Variants in SELENOI observed in about 807,000 individuals in gnomAD.
The protein encoded by SELENOI is ethanolaminephosphotransferase 1.
In SELENOI, 24 loss-of-function variants were observed where a neutral mutation model predicts 50.7. The ratio of observed to expected loss-of-function variants is 0.47; its 90% CI spans 0.34 to 0.67. The LOEUF is 0.67. Among genes scored for constraint, SELENOI ranks in the 30% least tolerant of loss-of-function variants. The pLI, the probability that SELENOI is intolerant of heterozygous loss-of-function variation, is 0.01. For missense variants in SELENOI, 352 were observed against 461.4 expected (o/e 0.76, Z 2.17); for synonymous variants, 155 against 170.2 (o/e 0.91, Z 0.70).
chr2:26,350,685 A>G (rs1290242877), intron 1 of SELENOI, among the ~76,000 whole-genome samples: 2 of 152,182 alleles, frequency 1.3e-5, no homozygotes, highest in Non-Finnish European at 2.9e-5. Flanking sequence ...AAAAGTTAAT[A>G]AGTCCAGTTA....
chr2:26,382,208 G>A (rs1334151904), intron 6 of SELENOI, among the ~76,000 whole-genome samples: 1 of 152,218 alleles, frequency 6.6e-6, no homozygotes, highest in African/African-American at 2.4e-5. Flanking sequence ...TTGTAAGCTT[G>A]TAGTTGTGCT....
At chr2:26,363,200 T>G (rs1677218774) in intron 1 of SELENOI, among the ~76,000 whole-genome samples, 1 of 152,210 alleles carries the variant, frequency 6.6e-6, no homozygotes, top group East Asian at 1.9e-4. Flanking sequence ...AATACTTACG[T>G]AGTACTTACT....
In SELENOI at chr2:26,380,965, G is replaced by A. The variant is rs192528472; in HGVS notation, c.683-2334G>A. Among the ~76,000 whole-genome samples the A allele has an allele frequency of 1.2e-4, 18 of 151,842 alleles. No homozygotes were observed. In the East Asian group the frequency reaches 2.5e-3, roughly 21 times the overall value. ...AACAGATTTTTTTTTCTATAGGGTT[G>A]TTGGCCATTTCCTTTATTTTTAGAA... On this transcript the variant is annotated intron_variant, in intron 6 of 9. Transcript: ENST00000260585.
At chr2:26,354,239 A>G (rs1036180485) in intron 1 of SELENOI, among the ~76,000 whole-genome samples, 2 of 151,948 alleles carry the variant, frequency 1.3e-5, no homozygotes, top group African/African-American at 2.4e-5. Flanking sequence ...TAATTTGCTC[A>G]GGGTCCCACA....
At position 26,390,470 on chromosome 2, in the gene SELENOI, A is replaced by G. The variant is rs750551732; in HGVS notation, c.*1367A>G. ...ACTGTGTTGATATGTAATTAAATTCATAACTATTTATGAATGTGACCATTG... is the reference window on the plus strand; with the variant it reads ...ACTGTGTTGATATGTAATTAAATTCGTAACTATTTATGAATGTGACCATTG... On this transcript the variant is annotated 3_prime_UTR_variant, in exon 10 of 10. Coordinates refer to ENST00000260585, the MANE Select transcript of SELENOI (RefSeq NM_033505.4). 3 of 152,106 alleles carry G rather than the reference A, an allele frequency of 2.0e-5. No homozygotes were observed. Among genetic ancestry groups the G allele is most frequent in the Admixed American group, 1.3e-4 (2 of 15,246 alleles). 9.4% of individuals were successfully genotyped at this position (152,106 alleles called of 1,614,324 possible). A position where few individuals can be genotyped will look rare whatever the true frequency, so the allele number is the denominator to read the frequency against.
chr2:26,373,716 T>G, intron 5 of SELENOI, 87 bp downstream of exon 5: 1 of 1,377,404 alleles, frequency 7.3e-7, no homozygotes, highest in South Asian at 1.4e-5. Flanking sequence ...GCTCTTAGGC[T>G]TTTTTGATTA....
At chr2:26,367,439 A>G (rs1677310379) in intron 4 of SELENOI, among the ~76,000 whole-genome samples, 1 of 152,214 alleles carries the variant, frequency 6.6e-6, no homozygotes, top group Non-Finnish European at 1.5e-5. Flanking sequence ...GTAAACTACT[A>G]CTTGTGGGCC....
chr2:26,395,424 G>C lies in SELENOI; in HGVS notation c.*6321G>C, dbSNP rs1302377406. ...TTGTGTGAGCCAGAAAGAGCTTTGAGAAAGATGGCTGCTTCCACCAGGGTG... is the reference window on the plus strand; with the variant it reads ...TTGTGTGAGCCAGAAAGAGCTTTGACAAAGATGGCTGCTTCCACCAGGGTG... On this transcript the variant is annotated 3_prime_UTR_variant, in exon 10 of 10. Coordinates refer to ENST00000260585, the MANE Select transcript of SELENOI (RefSeq NM_033505.4). 2 of 152,252 alleles carry C rather than the reference G, an allele frequency of 1.3e-5. No homozygotes were observed. The highest frequency in any genetic ancestry group is 2.9e-5 in the Non-Finnish European group (2 of 68,034). 9.4% of individuals were successfully genotyped at this position (152,252 alleles called of 1,614,324 possible).
At chr2:26,378,725 G>A (rs1007071807) in intron 6 of SELENOI, among the ~76,000 whole-genome samples, 40 of 137,870 alleles carry the variant, frequency 2.9e-4, no homozygotes, top group African/African-American at 9.1e-4. Context: ...TCAAGTAGTT[G>A]TTTTAAATAT....
At chr2:26,376,795 T>C (rs1677576362) in intron 6 of SELENOI, among the ~76,000 whole-genome samples, 1 of 152,218 alleles carries the variant, frequency 6.6e-6, no homozygotes. Context: ...TACGTGAAAG[T>C]GTATTGATTT....
rs540002474 is a variant in SELENOI, at chr2:26,359,375, G to T, written c.58-4927G>T. On this transcript the variant is annotated intron_variant, in intron 1 of 9. Coordinates refer to ENST00000260585, the MANE Select transcript of SELENOI (RefSeq NM_033505.4). The stretch of plus-strand genomic sequence containing the variant: ...AAGAAAAATTAGGCCTGGTGTAGTG[G>T]TACTTGCCTGTAATCCTAGAACTTT... Among the ~76,000 whole-genome samples the T allele has an allele frequency of 1.2e-3, 188 of 152,226 alleles. 1 individual carries two copies. Among genetic ancestry groups the T allele is most frequent in the African/African-American group, 4.3e-3 (178 of 41,536 alleles).
rs1197144711 is a variant in SELENOI at position 26,371,108 on chromosome 2, A to AC, written c.311-2252dup. 1.1e-4 allele frequency among the ~76,000 whole-genome samples: 14 copies of AC among 124,690 alleles called. No individual in the cohort carries two copies. The South Asian group carries it at 1.9e-3, about 17-fold the overall frequency. The allele number at this position is 124,690 out of a possible 152,430, so 81.8% of individuals were successfully genotyped here. A position where few individuals can be genotyped will look rare whatever the true frequency, so the allele number is the denominator to read the frequency against. On this transcript the variant is annotated intron_variant, in intron 4 of 9. Transcript: ENST00000260585. Reference sequence around the variant, plus strand: ...GGGCGGCTGGCCGGGCCAGGGGCTGACCCCCCCACCTCCCTCCCGGACGGG... The same window carrying AC: ...GGGCGGCTGGCCGGGCCAGGGGCTGACCCCCCCCACCTCCCTCCCGGACGGG...
chr2:26,380,616 T>C (rs191404507), intron 6 of SELENOI, among the ~76,000 whole-genome samples: 33 of 152,256 alleles, frequency 2.2e-4, no homozygotes, highest in Admixed American at 1.9e-3. Context: ...TTTTCATATT[T>C]TTTGCCAGGG....
intron 1 of SELENOI, among the ~76,000 whole-genome samples, chr2:26,351,239 A>G (rs1199821179): frequency 6.6e-6 from 1 of 152,004 alleles, no homozygotes; most frequent in Non-Finnish European, 1.5e-5. Context: ...TTGTATTTTT[A>G]GTAGAGACAG....
intron 1 of SELENOI, among the ~76,000 whole-genome samples, chr2:26,353,880 A>AT (rs1677009888): frequency 6.6e-6 from 1 of 152,198 alleles, no homozygotes; most frequent in Non-Finnish European, 1.5e-5. Flanking sequence ...TCTTTGCTAA[A>AT]TAAGAGTTTG....
At chr2:26,376,728 T>A (rs778346721) in intron 6 of SELENOI, among the ~76,000 whole-genome samples, 11 of 152,226 alleles carry the variant, frequency 7.2e-5, no homozygotes, top group Admixed American at 1.3e-4. Flanking sequence ...TTTGAAGGAC[T>A]TCCTTTAGGT....
rs1046157127 is a variant in SELENOI at position 26,392,931 on chromosome 2, A to G, written c.*3828A>G. The G allele has an allele frequency of 4.6e-5, 7 of 152,256 alleles. No homozygotes were observed. Among genetic ancestry groups the G allele is most frequent in the Admixed American group, 3.3e-4 (5 of 15,272 alleles). The allele number at this position is 152,256 out of a possible 1,614,324, so 9.4% of individuals were successfully genotyped here. ...TTAGCTGCCAGCATTAGAACCTTCC[A>G]GGAAGAATTTTAACTAGTATGCTAC... On this transcript the variant is annotated 3_prime_UTR_variant, in exon 10 of 10. Transcript: ENST00000260585.
chr2:26,357,585 T>C (rs202089560), intron 1 of SELENOI, among the ~76,000 whole-genome samples: 2 of 152,234 alleles, frequency 1.3e-5, no homozygotes, highest in Non-Finnish European at 2.9e-5. Context: ...TCCTTGCCTC[T>C]ATTTCAGCTT....
At chr2:26,362,687 C>T (rs1203510483) in intron 1 of SELENOI, among the ~76,000 whole-genome samples, 3 of 151,124 alleles carry the variant, frequency 2.0e-5, no homozygotes, top group East Asian at 2.0e-4. Flanking sequence ...ACTCAGGAGG[C>T]GGAGGTTGCA....
Sources: allele counts gnomAD v4.1 joint callset (sites outside exome capture counted in the v4.1 genomes callset), GRCh38; gene constraint gnomAD v4.1.1; transcripts MANE v1.5; gene names NCBI Gene and HGNC (gene_info 2026-07-23, HGNC 2026-07-21).